Variants in NEGR1 observed in about 807,000 individuals in gnomAD.
NEGR1 encodes the protein neuronal growth regulator 1, also known as IgLON family member 4.
NEGR1 carries 10 observed loss-of-function variants against 40.9 expected under a neutral mutation model. The observed-to-expected ratio is 0.24, with a 90% CI of 0.15 to 0.42. The LOEUF is 0.42. Among genes scored for constraint, NEGR1 ranks in the 10% least tolerant of loss-of-function variants. The pLI, the probability that NEGR1 is intolerant of heterozygous loss-of-function variation, is 1.00. For synonymous variants in NEGR1, 185 were observed against 166.8 expected (o/e 1.11, Z -0.84); for missense variants, 352 against 438.9 (o/e 0.80, Z 1.77).
At chr1:72,136,012 C>T (rs1202991651) in intron 1 of NEGR1, among the ~76,000 whole-genome samples, 2 of 151,970 alleles carry the variant, frequency 1.3e-5, no homozygotes, top group Non-Finnish European at 2.9e-5. Flanking sequence ...AAACAATTTC[C>T]AAGTAACTAA....
At chr1:72,169,233 C>T (rs551208820) in intron 1 of NEGR1, among the ~76,000 whole-genome samples, 39 of 152,146 alleles carry the variant, frequency 2.6e-4, no homozygotes, top group Admixed American at 7.2e-4. Context: ...CTTACAATGT[C>T]TGTATTAGGA....
At chr1:71,913,978 T>C (rs1469024859) in intron 2 of NEGR1, among the ~76,000 whole-genome samples, 5 of 152,136 alleles carry the variant, frequency 3.3e-5, no homozygotes, top group Non-Finnish European at 7.4e-5. Flanking sequence ...TTGATCACAA[T>C]ACCAACATTC....
chr1:72,221,449 G>C (rs1004000081), intron 1 of NEGR1, among the ~76,000 whole-genome samples: 4 of 152,006 alleles, frequency 2.6e-5, no homozygotes, highest in African/African-American at 9.7e-5. Context: ...TAATATAAAA[G>C]TTTATGTATT....
chr1:72,149,879 C>CAAAAAAAAAAAAAAAAAAAAA (rs1180110033), intron 1 of NEGR1, among the ~76,000 whole-genome samples: 5 of 39,372 alleles, frequency 1.3e-4, no homozygotes, highest in Admixed American at 3.3e-4. Context: ...AAAACTCTGT[C>CAAAAAAAAAAAAAAAAAAAAA]AAAAAAAAAA....
In NEGR1 at chr1:71,872,329, T is replaced by C. The variant is rs1398686066; in HGVS notation, c.409+62750A>G. ...CTTTAGTTTTAGGTTTTCTAAGACA[T>C]GGTTCTATAGACTATTCTAGGAATT... On this transcript the variant is annotated intron_variant, in intron 2 of 6. Coordinates refer to ENST00000357731, the MANE Select transcript of NEGR1 (RefSeq NM_173808.3). 2.6e-5 allele frequency among the ~76,000 whole-genome samples: 4 copies of C among 152,148 alleles called. No individual in the cohort carries two copies. In the East Asian group the frequency reaches 7.7e-4, roughly 29 times the overall value.
Position 71,399,663 on chromosome 1 carries a change from GAA to G in NEGR1, c.*7781_*7782del, listed in dbSNP as rs1267457335. The G allele has an allele frequency of 6.6e-6, 1 of 152,122 alleles. No homozygotes were observed. The allele number at this position is 152,122 out of a possible 1,614,324, so 9.4% of individuals were successfully genotyped here. A position where few individuals can be genotyped will look rare whatever the true frequency, so the allele number is the denominator to read the frequency against. On this transcript the variant is annotated 3_prime_UTR_variant, in exon 7 of 7. Coordinates refer to ENST00000357731, the MANE Select transcript of NEGR1 (RefSeq NM_173808.3). Reference sequence around the variant, plus strand: ...TGTGTGTGAGTATGTGTTTTGTTTTGAAAAAGACATCAGCTTGAAGCAGTTTC... The same window carrying G: ...TGTGTGTGAGTATGTGTTTTGTTTTGAAAGACATCAGCTTGAAGCAGTTTC...
chr1:71,849,326 T>C (rs1173981898), intron 2 of NEGR1, among the ~76,000 whole-genome samples: 1 of 152,104 alleles, frequency 6.6e-6, no homozygotes, highest in Non-Finnish European at 1.5e-5. Context: ...AAGACTTCAG[T>C]GGAGAAAGTA....
chr1:71,524,897 A>G (rs1647198687), intron 6 of NEGR1, among the ~76,000 whole-genome samples: 1 of 151,756 alleles, frequency 6.6e-6, no homozygotes, highest in African/African-American at 2.4e-5. Context: ...GCACATGAGC[A>G]AAAGAACATG....
chr1:71,573,239 GGAAT>G (rs1257167953), intron 6 of NEGR1, among the ~76,000 whole-genome samples: 2 of 152,172 alleles, frequency 1.3e-5, no homozygotes, highest in Non-Finnish European at 2.9e-5. Flanking sequence ...GGAGGGAAAA[GGAAT>G]GAATTTGAAG....
intron 6 of NEGR1, among the ~76,000 whole-genome samples, chr1:71,568,546 G>A (rs2101489662): frequency 6.6e-6 from 1 of 152,132 alleles, no homozygotes; most frequent in South Asian, 2.1e-4. Context: ...GTTACCATGT[G>A]ACAAGTTCTG....
intron 6 of NEGR1, among the ~76,000 whole-genome samples, chr1:71,434,935 C>CA (rs1338510584): frequency 2.0e-5 from 3 of 152,008 alleles, no homozygotes; most frequent in Admixed American, 6.5e-5. Context: ...ACTAAAAATA[C>CA]AAAAAATTAG....
intron 1 of NEGR1, among the ~76,000 whole-genome samples, chr1:71,973,179 G>A (rs939667372): frequency 5.5e-4 from 83 of 152,230 alleles, no homozygotes; most frequent in Admixed American, 9.8e-4. Flanking sequence ...AGCTGGGCGT[G>A]GTGGCGGGCG....
At chr1:72,078,838 C>A (rs891872493) in intron 1 of NEGR1, among the ~76,000 whole-genome samples, 1 of 150,306 alleles carries the variant, frequency 6.7e-6, no homozygotes, top group East Asian at 1.9e-4. Flanking sequence ...AGGGGTTTCA[C>A]CATGTTGGCC....
At chr1:72,071,539 C>T (rs1647461182) in intron 1 of NEGR1, among the ~76,000 whole-genome samples, 1 of 151,968 alleles carries the variant, frequency 6.6e-6, no homozygotes, top group Non-Finnish European at 1.5e-5. Context: ...TTTTGGCTTA[C>T]CTGTCACCAT....
rs145431716 is a variant in NEGR1, at chr1:71,418,567, G to A, written c.941-10997C>T. ...TTTTAGCTCCTTGGGTTTACAATCC[G>A]TGCCTCTTTTACTTGGAATTACCTT... is the stretch of plus-strand genomic sequence containing the variant. On this transcript the variant is annotated intron_variant, in intron 6 of 6. Coordinates refer to ENST00000357731, the MANE Select transcript of NEGR1 (RefSeq NM_173808.3). Among the ~76,000 whole-genome samples the A allele has an allele frequency of 2.1e-3, 325 of 152,090 alleles. 1 individual carries two copies. Among genetic ancestry groups the A allele is most frequent in the African/African-American group, 7.4e-3 (309 of 41,492 alleles).
chr1:71,568,639 T>C (rs1028767802), intron 6 of NEGR1, among the ~76,000 whole-genome samples: 23 of 151,870 alleles, frequency 1.5e-4, no homozygotes, highest in Non-Finnish European at 2.8e-4. Flanking sequence ...AATAAAAATA[T>C]AAGGAAAAAA....
intron 1 of NEGR1, among the ~76,000 whole-genome samples, chr1:71,942,036 A>C (rs914243492): frequency 6.6e-6 from 1 of 151,948 alleles, no homozygotes; most frequent in Non-Finnish European, 1.5e-5. Context: ...TTTATTTTCA[A>C]AATGGGAGTT....
chr1:72,186,306 C>T (rs931272392), intron 1 of NEGR1, among the ~76,000 whole-genome samples: 1 of 151,684 alleles, frequency 6.6e-6, no homozygotes, highest in African/African-American at 2.4e-5. Flanking sequence ...TTACTCTGTT[C>T]ATAATTTCTT....
At chr1:72,202,537 G>A (rs905132474) in intron 1 of NEGR1, among the ~76,000 whole-genome samples, 2 of 151,966 alleles carry the variant, frequency 1.3e-5, no homozygotes, top group African/African-American at 4.8e-5. Flanking sequence ...CTGAACACAA[G>A]TGATAAAGTG....
Sources: allele counts gnomAD v4.1 joint callset (sites outside exome capture counted in the v4.1 genomes callset), GRCh38; gene constraint gnomAD v4.1.1; transcripts MANE v1.5; gene names NCBI Gene and HGNC (gene_info 2026-07-23, HGNC 2026-07-21).